Variants in RGS7BP observed in about 807,000 individuals in gnomAD.
The protein encoded by RGS7BP is regulator of G protein signaling 7 binding protein.
Under a neutral mutation model 31.3 loss-of-function variants are expected in RGS7BP, and 9 were observed. That is an observed-to-expected ratio of 0.29 (90% CI 0.17 to 0.50). RGS7BP has a LOEUF of 0.50. RGS7BP is among the 20% of genes least tolerant of loss of function. The pLI, the probability that RGS7BP is intolerant of heterozygous loss-of-function variation, is 0.98. For missense variants in RGS7BP, 274 were observed against 322.0 expected (o/e 0.85, Z 1.14); for synonymous variants, 115 against 120.1 (o/e 0.96, Z 0.28).
At position 64,598,427 on chromosome 5, in the gene RGS7BP, A is replaced by G; in HGVS notation, c.674A>G (p.Lys225Arg). The G allele has an allele frequency of 6.3e-7, 1 of 1,598,658 alleles. No individual in the cohort carries two copies. Among genetic ancestry groups the G allele is most frequent in the Non-Finnish European group, 8.6e-7 (1 of 1,165,914 alleles). Residue 225 changes from lysine to arginine, a missense_variant, in exon 5 of 6, where the codon AAA (lysine) becomes AGA (arginine). By Grantham distance (26) the Lys-to-Arg change is conservative. Transcript: ENST00000334025. The part of the protein sequence containing the change: ...KLRETMPLPL[K>R]NQDDSSLLNL... Reference sequence around the variant, plus strand: ...AGGGAAACTATGCCTTTACCATTGAAAAATCAAGGTGAGTCTTGTCACTTC... The same window carrying G: ...AGGGAAACTATGCCTTTACCATTGAGAAATCAAGGTGAGTCTTGTCACTTC...
chr5:64,555,039 T>G (rs1307668922), intron 2 of RGS7BP, among the ~76,000 whole-genome samples: 1 of 151,914 alleles, frequency 6.6e-6, no homozygotes, highest in African/African-American at 2.4e-5. Flanking sequence ...TAAGAAGACA[T>G]GAAGACCAGA....
intron 2 of RGS7BP, among the ~76,000 whole-genome samples, chr5:64,544,009 T>C (rs1741588328): frequency 6.6e-6 from 1 of 152,258 alleles, no homozygotes; most frequent in South Asian, 2.1e-4. Context: ...AAGATGATGC[T>C]TTAGGCACCT....
chr5:64,541,130 G>T (rs893240546), intron 2 of RGS7BP, among the ~76,000 whole-genome samples: 3 of 152,138 alleles, frequency 2.0e-5, no homozygotes, highest in Admixed American at 1.3e-4. Context: ...TGCTTCTGCT[G>T]GTGACGGCCC....
Position 64,506,157 on chromosome 5 carries a change from CG to C in RGS7BP, c.-467del, listed in dbSNP as rs1748669122. ...GGCGACAGTGGAGGGAGGGGAAAGA[CG>C]AACCGAGTGCCGCTGCGGGAAGACA... On this transcript the variant is annotated 5_prime_UTR_variant, in exon 1 of 6. Transcript: ENST00000334025. This position sits in a 1 kb window ranked among gnomAD's most constrained non-coding sequence, Gnocchi z 4.6. 1 of 153,108 alleles carries C rather than the reference CG, an allele frequency of 6.5e-6. No homozygotes were observed. Among genetic ancestry groups the C allele is most frequent in the African/African-American group, 2.4e-5 (1 of 41,584 alleles). 9.5% of individuals were successfully genotyped at this position (153,108 alleles called of 1,614,324 possible). A position where few individuals can be genotyped will look rare whatever the true frequency, so the allele number is the denominator to read the frequency against.
intron 3 of RGS7BP, among the ~76,000 whole-genome samples, chr5:64,577,350 G>C (rs554753738): frequency 5.6e-4 from 85 of 152,218 alleles, no homozygotes; most frequent in African/African-American, 2.0e-3. Context: ...GCTGAGGCAG[G>C]AGAATGGCAT....
At chr5:64,608,617 T>G (rs1743425007) in intron 5 of RGS7BP, among the ~76,000 whole-genome samples, 1 of 152,070 alleles carries the variant, frequency 6.6e-6, no homozygotes, top group Admixed American at 6.6e-5. Flanking sequence ...CATAGCTAAA[T>G]GTTTTTCATA....
chr5:64,507,681 T>C, intron 1 of RGS7BP, 30 bp from the exon 2 acceptor site: 1 of 1,296,196 alleles, frequency 7.7e-7, no homozygotes, highest in East Asian at 2.7e-5. Flanking sequence ...AAATGTTTGG[T>C]AAAAAAAAAA....
At chr5:64,602,861 G>A (rs1019401555) in intron 5 of RGS7BP, among the ~76,000 whole-genome samples, 1 of 152,198 alleles carries the variant, frequency 6.6e-6, no homozygotes, top group Admixed American at 6.5e-5. Flanking sequence ...ATTAGGGATT[G>A]CTTTTTAGAA....
intron 2 of RGS7BP, among the ~76,000 whole-genome samples, chr5:64,513,599 A>G (rs987821143): frequency 6.6e-6 from 1 of 152,344 alleles, no homozygotes; most frequent in Non-Finnish European, 1.5e-5. Context: ...GCAACGATGT[A>G]TGGTGATAAG....
At chr5:64,522,926 T>C (rs1749144286) in intron 2 of RGS7BP, among the ~76,000 whole-genome samples, 1 of 152,140 alleles carries the variant, frequency 6.6e-6, no homozygotes, top group African/African-American at 2.4e-5. Context: ...TATAAAGGCA[T>C]TCTCCATCTT....
chr5:64,576,871 A>C (rs891685142), intron 3 of RGS7BP, among the ~76,000 whole-genome samples: 7 of 152,192 alleles, frequency 4.6e-5, no homozygotes, highest in Admixed American at 2.0e-4. Context: ...GGGAACTTCT[A>C]GAATACAGTG....
chr5:64,568,702 A>C (rs1235297239), intron 2 of RGS7BP, among the ~76,000 whole-genome samples: 1 of 152,092 alleles, frequency 6.6e-6, no homozygotes, highest in Admixed American at 6.6e-5. Context: ...AGATGAATAA[A>C]AGATGACTTA....
At chr5:64,568,007 A>C (rs1742211099) in intron 2 of RGS7BP, among the ~76,000 whole-genome samples, 1 of 152,072 alleles carries the variant, frequency 6.6e-6, no homozygotes, top group African/African-American at 2.4e-5. Context: ...TTGCAGATTA[A>C]AATGTGGAAA....
intron 3 of RGS7BP, among the ~76,000 whole-genome samples, chr5:64,586,800 T>A (rs1326576969): frequency 3.3e-5 from 5 of 152,186 alleles, no homozygotes; most frequent in Non-Finnish European, 7.3e-5. Flanking sequence ...AAAGAGAGTA[T>A]AATTAGAGGA....
At chr5:64,541,859 G>C (rs902741179) in intron 2 of RGS7BP, among the ~76,000 whole-genome samples, 3 of 151,678 alleles carry the variant, frequency 2.0e-5, no homozygotes, top group African/African-American at 7.3e-5. Context: ...ATCTCTGCTG[G>C]TTCTTCTTTT....
At chr5:64,560,340 A>G (rs1366710900) in intron 2 of RGS7BP, among the ~76,000 whole-genome samples, 1 of 152,098 alleles carries the variant, frequency 6.6e-6, no homozygotes, top group East Asian at 1.9e-4. Context: ...CTCTAGGGAT[A>G]GAGCCCTGCA....
At chr5:64,546,677 G>T (rs201243649) in intron 2 of RGS7BP, among the ~76,000 whole-genome samples, 1 of 54,080 alleles carries the variant, frequency 1.8e-5, no homozygotes, top group Non-Finnish European at 3.5e-5. Context: ...CACAGATTAA[G>T]AATTTTTTTT....
intron 2 of RGS7BP, among the ~76,000 whole-genome samples, chr5:64,570,643 C>T (rs557132281): frequency 3.3e-5 from 5 of 152,216 alleles, no homozygotes; most frequent in African/African-American, 9.6e-5. Context: ...TAACTAAAAT[C>T]CCCAGTGTGT....
intron 2 of RGS7BP, among the ~76,000 whole-genome samples, chr5:64,568,783 T>A (rs13190540): frequency 0.35 from 20,501 of 59,222 alleles, 1,704 homozygotes; most frequent in Middle Eastern, 0.52. Flanking sequence ...ATGGTTATTG[T>A]TTTTTTTTTT....
Sources: allele counts gnomAD v4.1 joint callset (sites outside exome capture counted in the v4.1 genomes callset), GRCh38; gene constraint gnomAD v4.1.1; non-coding constraint Gnocchi (gnomAD v3.1); transcripts MANE v1.5; gene names NCBI Gene and HGNC (gene_info 2026-07-23, HGNC 2026-07-21).